NELL1: variants seen among roughly 807,000 people sequenced by gnomAD.
NELL1 encodes the protein protein kinase C-binding protein NELL1.
NELL1 carries 76 observed loss-of-function variants against 107.4 expected under a neutral mutation model. That is an observed-to-expected ratio of 0.71 (90% CI 0.59 to 0.86). The LOEUF is 0.86. Ranked by LOEUF, NELL1 falls within the 40% of genes least tolerant of loss-of-function variation. The pLI, the probability that NELL1 is intolerant of heterozygous loss-of-function variation, is 0.00. For synonymous variants in NELL1, 353 were observed against 341.2 expected (o/e 1.03, Z -0.38); for missense variants, 1,024 against 1,005.5 (o/e 1.02, Z -0.25).
intron 15 of NELL1, among the ~76,000 whole-genome samples, chr11:21,459,972 A>G (rs1853857737): frequency 6.6e-6 from 1 of 152,094 alleles, no homozygotes; most frequent in Admixed American, 6.6e-5. Flanking sequence ...TGTTCAGAAC[A>G]TTGTCTGATG....
intron 4 of NELL1, among the ~76,000 whole-genome samples, chr11:20,861,285 C>T (rs112799422): frequency 1.4e-4 from 21 of 152,200 alleles, no homozygotes; most frequent in African/African-American, 4.8e-4. Flanking sequence ...TAGCATTGTA[C>T]ATATTATTCT....
chr11:20,895,445 C>G (rs1849712944), intron 5 of NELL1, among the ~76,000 whole-genome samples: 1 of 150,712 alleles, frequency 6.6e-6, no homozygotes, highest in Non-Finnish European at 1.5e-5. Context: ...TTTCCACTCT[C>G]TAGCTGTGTA....
intron 2 of NELL1, among the ~76,000 whole-genome samples, chr11:20,776,309 G>A (rs1012454550): frequency 5.9e-5 from 9 of 151,904 alleles, no homozygotes; most frequent in African/African-American, 1.9e-4. Flanking sequence ...TGTGGTGATG[G>A]GCGCCTGTAG....
At chr11:21,066,229 T>C (rs1374781761) in intron 12 of NELL1, among the ~76,000 whole-genome samples, 1 of 152,214 alleles carries the variant, frequency 6.6e-6, no homozygotes. Context: ...TGTCTCCCTG[T>C]TCTCTTAGTA....
intron 12 of NELL1, among the ~76,000 whole-genome samples, chr11:21,020,502 G>A (rs1406085961): frequency 6.6e-6 from 1 of 150,438 alleles, no homozygotes; most frequent in Non-Finnish European, 1.5e-5. Flanking sequence ...AGTTAGTTTT[G>A]TTTTTTTTTC....
chr11:20,760,855 C>T (rs190840525), intron 2 of NELL1, among the ~76,000 whole-genome samples: 60 of 152,270 alleles, frequency 3.9e-4, no homozygotes, highest in Non-Finnish European at 6.8e-4. Flanking sequence ...GATTTAAATG[C>T]CACTGCCAGA....
chr11:21,510,873 A>G (rs1052678663), intron 15 of NELL1, among the ~76,000 whole-genome samples: 4 of 152,172 alleles, frequency 2.6e-5, no homozygotes, highest in Non-Finnish European at 5.9e-5. Flanking sequence ...TTTTAAAAGA[A>G]TAACTTTTAT....
intron 15 of NELL1, among the ~76,000 whole-genome samples, chr11:21,397,773 A>G (rs1852013468): frequency 6.6e-6 from 1 of 151,670 alleles, no homozygotes; most frequent in African/African-American, 2.4e-5. Flanking sequence ...TGGGAAGTGA[A>G]TAGGTCACTT....
At chr11:20,695,510 G>A (rs1424718796) in intron 2 of NELL1, among the ~76,000 whole-genome samples, 13 of 152,042 alleles carry the variant, frequency 8.6e-5, no homozygotes, top group Admixed American at 8.5e-4. Flanking sequence ...AAGAGACGTT[G>A]GATTTTATCA....
At chr11:21,073,896 A>C (rs748828137) in intron 12 of NELL1, among the ~76,000 whole-genome samples, 3 of 152,208 alleles carry the variant, frequency 2.0e-5, no homozygotes, top group Non-Finnish European at 2.9e-5. Context: ...GAATGGAGGT[A>C]GTTTTAAAGA....
In NELL1 at chr11:20,982,810, T is replaced by C. The variant is rs113580346; in HGVS notation, c.1300+22250T>C. The stretch of plus-strand genomic sequence containing the variant: ...GATTTACAGTTTCTAAAAAGTTGTT[T>C]GTATAGGGAATTTTTGTTAAAGAAT... On this transcript the variant is annotated intron_variant, in intron 12 of 19. Transcript: ENST00000357134. Among the ~76,000 whole-genome samples the C allele has an allele frequency of 8.4e-3, 1,283 of 152,320 alleles. 7 individuals are homozygous for C. Among genetic ancestry groups the C allele is most frequent in the Non-Finnish European group, 0.012 (845 of 68,022 alleles).
chr11:21,428,895 TA>T (rs1205565514), intron 15 of NELL1, among the ~76,000 whole-genome samples: 4 of 152,218 alleles, frequency 2.6e-5, no homozygotes, highest in Non-Finnish European at 4.4e-5. Flanking sequence ...AATCTATGGA[TA>T]ATCTAAGAAT....
At chr11:21,202,319 A>C (rs192903085) in intron 13 of NELL1, among the ~76,000 whole-genome samples, 100 of 152,282 alleles carry the variant, frequency 6.6e-4, no homozygotes, top group Admixed American at 6.5e-3. Context: ...TTATTGGTTT[A>C]TTCAGGGATT....
Position 20,907,814 on chromosome 11 carries a change from G to C in NELL1, c.604-10368G>C, listed in dbSNP as rs553044739. 2.6e-5 allele frequency among the ~76,000 whole-genome samples: 4 copies of C among 152,218 alleles called. No homozygotes were observed. The South Asian group carries it at 6.2e-4, about 24-fold the overall frequency. On this transcript the variant is annotated intron_variant, in intron 5 of 19. Coordinates refer to ENST00000357134, the MANE Select transcript of NELL1 (RefSeq NM_006157.5). ...AGAAAATTTTTGCAGTCTACTTACT[G>C]ACAAAAGTCTAATATCCAGAATTTA...
chr11:20,833,084 T>C (rs1205805869), intron 3 of NELL1, among the ~76,000 whole-genome samples: 1 of 152,214 alleles, frequency 6.6e-6, no homozygotes, highest in Non-Finnish European at 1.5e-5. Context: ...TAGTTCTTTC[T>C]TCCAAGAGGG....
intron 12 of NELL1, among the ~76,000 whole-genome samples, chr11:20,968,606 A>G (rs1851432718): frequency 6.6e-6 from 1 of 152,214 alleles, no homozygotes; most frequent in South Asian, 2.1e-4. Flanking sequence ...ACTACATGAC[A>G]AGAGGGTAGC....
intron 2 of NELL1, among the ~76,000 whole-genome samples, chr11:20,742,058 C>A (rs547626808): frequency 8.5e-5 from 13 of 152,296 alleles, no homozygotes; most frequent in Admixed American, 6.5e-4. Context: ...AAGAAACCAG[C>A]GAAGGAGCAT....
chr11:20,766,905 G>C (rs1332355143), intron 2 of NELL1, among the ~76,000 whole-genome samples: 2 of 152,100 alleles, frequency 1.3e-5, no homozygotes, highest in Non-Finnish European at 2.9e-5. Context: ...ACCACGCCCA[G>C]TTAATTTTTT....
At chr11:20,733,938 G>A (rs1855704304) in intron 2 of NELL1, among the ~76,000 whole-genome samples, 1 of 141,932 alleles carries the variant, frequency 7.0e-6, no homozygotes, top group African/African-American at 3.1e-5. Context: ...ATAAGACTCT[G>A]TTAGTGACAA....
Sources: gnomAD v4.1 joint callset for allele counts (sites outside exome capture counted in the v4.1 genomes callset) on GRCh38, gnomAD v4.1.1 for gene constraint, MANE v1.5 for transcripts, NCBI Gene and HGNC (gene_info 2026-07-23, HGNC 2026-07-21) for gene names.